The following PMS1 variants were observed in gnomAD, a reference collection of about 807,000 sequenced individuals.
PMS1 encodes PMS1 homolog 1, mismatch repair system component.
In PMS1, 79 loss-of-function variants were observed where a neutral mutation model predicts 93.1. The ratio of observed to expected loss-of-function variants is 0.85; its 90% CI spans 0.71 to 1.02. PMS1 has a LOEUF of 1.02. Ranked by LOEUF, PMS1 falls within the 50% of genes least tolerant of loss-of-function variation. The pLI, the probability that PMS1 is intolerant of heterozygous loss-of-function variation, is 0.00. For synonymous variants in PMS1, 335 were observed against 363.4 expected (o/e 0.92, Z 0.89); for missense variants, 1,064 against 1,085.3 (o/e 0.98, Z 0.28).
Position 189,852,766 on chromosome 2 carries a change from GA to G in PMS1, c.812del (p.Asp271ValfsTer3), listed in dbSNP as rs774706986. ...FINSRPVHQK[D>X]ILKLIRHHYN... Reference sequence around the variant, plus strand: ...AAACAGTCGACCAGTACATCAAAAAGATATCTTAAAGGTAGTATGCTTTAGA... The same window carrying G: ...AAACAGTCGACCAGTACATCAAAAAGTATCTTAAAGGTAGTATGCTTTAGA... On this transcript the variant is annotated frameshift_variant, in exon 7 of 13. Transcript: ENST00000441310. LOFTEE classifies it high-confidence loss of function. 1 of 1,584,932 alleles carries G rather than the reference GA, an allele frequency of 6.3e-7. No homozygotes were observed. Among genetic ancestry groups the G allele is most frequent in the Non-Finnish European group, 8.7e-7 (1 of 1,154,492 alleles).
rs1475748965 is a variant in PMS1 at position 189,855,087 on chromosome 2, T to A, written c.1815T>A (p.Ile605=). The A allele has an allele frequency of 6.2e-7, 1 of 1,613,448 alleles. No homozygotes were observed. Among genetic ancestry groups the A allele is most frequent in the African/African-American group, 1.3e-5 (1 of 75,024 alleles). The change falls in exon 9 of 13, where the codon ATT becomes ATA. Residue 605 remains isoleucine (I), a synonymous_variant. Coordinates refer to ENST00000441310, the MANE Select transcript of PMS1 (RefSeq NM_000534.5). ...KTSLEDATLQ[I]EELWKTLSEE... ...GTTTAGAGGATGCAACACTACAAAT[T>A]GAAGAACTGTGGAAGACATTGAGTG...
chr2:189,873,692 G>T, intron 12 of PMS1, 36 bp downstream of exon 12: 1 of 1,511,442 alleles, frequency 6.6e-7, no homozygotes, highest in Non-Finnish European at 9.2e-7. Context: ...ATTGTATACA[G>T]GGGTCCCAAC....
chr2:189,821,468 A>G (rs1233279), intron 5 of PMS1, among the ~76,000 whole-genome samples: 3,117 of 147,404 alleles, frequency 0.021, 110 homozygotes, highest in African/African-American at 0.072. Flanking sequence ...AAAAAAAAAA[A>G]AAAGAAAGAA....
At chr2:189,863,675 A>C in intron 9 of PMS1, 68 bp from the exon 10 acceptor site, 1 of 1,244,318 alleles carries the variant, frequency 8.0e-7, no homozygotes, top group Non-Finnish European at 1.2e-6. Context: ...TTTTTATAAA[A>C]TTTACTTCAG....
At chr2:189,835,562 A>G (rs978382033) in intron 5 of PMS1, among the ~76,000 whole-genome samples, 2 of 152,184 alleles carry the variant, frequency 1.3e-5, no homozygotes, top group African/African-American at 4.8e-5. Flanking sequence ...GTACATACGC[A>G]GGAGTAAATA....
chr2:189,788,355 T>C (rs1559204673), intron 1 of PMS1, among the ~76,000 whole-genome samples: 1 of 152,228 alleles, frequency 6.6e-6, no homozygotes. Flanking sequence ...TTTTTAGCAC[T>C]TATATGCCAA....
intron 1 of PMS1, among the ~76,000 whole-genome samples, chr2:189,786,522 T>C (rs568402805): frequency 6.6e-6 from 1 of 152,232 alleles, no homozygotes; most frequent in East Asian, 1.9e-4. Context: ...AATTTTGCTT[T>C]ATGTGCTTGG....
intron 12 of PMS1, among the ~76,000 whole-genome samples, chr2:189,876,140 C>G (rs898755228): frequency 6.6e-6 from 1 of 151,822 alleles, no homozygotes; most frequent in Non-Finnish European, 1.5e-5. Flanking sequence ...ATCATTAGAA[C>G]CTGTGAAATT....
intron 5 of PMS1, among the ~76,000 whole-genome samples, chr2:189,836,707 C>G (rs1219159573): frequency 6.6e-6 from 1 of 152,152 alleles, no homozygotes; most frequent in African/African-American, 2.4e-5. Flanking sequence ...CCAAGTGTAA[C>G]TAGTTTAGAA....
At chr2:189,811,908 A>C (rs926511133) in intron 4 of PMS1, among the ~76,000 whole-genome samples, 1 of 152,260 alleles carries the variant, frequency 6.6e-6, no homozygotes, top group Non-Finnish European at 1.5e-5. Flanking sequence ...AGGAGAAAAT[A>C]CATTGAATTC....
intron 4 of PMS1, 128 bp from the exon 5 acceptor site, chr2:189,817,889 T>G (rs1221531152): frequency 1.1e-5 from 8 of 720,472 alleles, no homozygotes; most frequent in Non-Finnish European, 1.7e-5. Flanking sequence ...AGTTGAGCCT[T>G]TGGGTTTCTA....
chr2:189,871,862 T>A (rs572001079), intron 11 of PMS1, among the ~76,000 whole-genome samples: 131 of 152,338 alleles, frequency 8.6e-4, no homozygotes, highest in African/African-American at 3.0e-3. Context: ...AGTGCTAGCA[T>A]CTGCTTCTGG....
chr2:189,873,924 T>C (rs1401018979), intron 12 of PMS1, among the ~76,000 whole-genome samples: 2 of 152,166 alleles, frequency 1.3e-5, no homozygotes, highest in Non-Finnish European at 2.9e-5. Flanking sequence ...CTGGAAAAAC[T>C]CTTCCACAAA....
intron 5 of PMS1, among the ~76,000 whole-genome samples, chr2:189,824,581 T>C (rs913096043): frequency 6.6e-6 from 1 of 152,092 alleles, no homozygotes; most frequent in South Asian, 2.1e-4. Context: ...TCAGAACTTA[T>C]ATTTAGCAAA....
intron 4 of PMS1, among the ~76,000 whole-genome samples, chr2:189,807,660 GATAT>G (rs1312711275): frequency 6.6e-6 from 1 of 152,190 alleles, no homozygotes; most frequent in East Asian, 1.9e-4. Context: ...ACAATCCTTA[GATAT>G]GGAATCCATC....
At chr2:189,826,464 T>G (rs2052439576) in intron 5 of PMS1, among the ~76,000 whole-genome samples, 1 of 151,648 alleles carries the variant, frequency 6.6e-6, no homozygotes, top group Non-Finnish European at 1.5e-5. Flanking sequence ...TTTTTTTTTT[T>G]GCTACTTACA....
At chr2:189,815,347 C>A (rs2051200437) in intron 4 of PMS1, among the ~76,000 whole-genome samples, 1 of 152,038 alleles carries the variant, frequency 6.6e-6, no homozygotes, top group Non-Finnish European at 1.5e-5. Context: ...GCTCTGTGTC[C>A]CCACCCAAAT....
chr2:189,877,511 T>A lies in PMS1; in HGVS notation c.*75T>A. Reference sequence around the variant, plus strand: ...AAACAGCATGAGTCTGGTTTTAAATTATCTTTGTATTATGTGTCACATGGT... The same window carrying A: ...AAACAGCATGAGTCTGGTTTTAAATAATCTTTGTATTATGTGTCACATGGT... On this transcript the variant is annotated 3_prime_UTR_variant, in exon 13 of 13. Transcript: ENST00000441310. 1 of 966,108 alleles carries A rather than the reference T, an allele frequency of 1.0e-6. No individual in the cohort carries two copies. The highest frequency in any genetic ancestry group is 1.6e-6 in the Non-Finnish European group (1 of 614,674). 59.8% of individuals were successfully genotyped at this position (966,108 alleles called of 1,614,324 possible). A position where few individuals can be genotyped will look rare whatever the true frequency, so the allele number is the denominator to read the frequency against.
chr2:189,824,558 G>A (rs5743052), intron 5 of PMS1, among the ~76,000 whole-genome samples: 34,111 of 151,778 alleles, frequency 0.22, 4,035 homozygotes, highest in African/African-American at 0.28. Context: ...TATTATTTTC[G>A]GAGGACACTG....
Sources: gnomAD v4.1 joint callset for allele counts (sites outside exome capture counted in the v4.1 genomes callset) on GRCh38, gnomAD v4.1.1 for gene constraint, MANE v1.5 for transcripts, NCBI Gene and HGNC (gene_info 2026-07-23, HGNC 2026-07-21) for gene names.